TWIST2: variants seen among roughly 807,000 people sequenced by gnomAD.
TWIST2 encodes twist-related protein 2.
Under a neutral mutation model 11.6 loss-of-function variants are expected in TWIST2, and 1 was observed. The observed-to-expected ratio is 0.09, with a 90% CI of 0.03 to 0.41. TWIST2 has a LOEUF of 0.41. TWIST2 is among the 10% of genes least tolerant of loss of function. TWIST2 has a pLI of 0.98. For synonymous variants in TWIST2, 87 were observed against 96.6 expected, an observed-to-expected ratio of 0.90 and a Z score of 0.58; for missense variants, 168 against 226.4, an observed-to-expected ratio of 0.74 and a Z score of 1.66.
intron 1 of TWIST2, among the ~76,000 whole-genome samples, chr2:238,895,649 T>A (rs1314861859): frequency 1.3e-5 from 2 of 152,122 alleles, no homozygotes; most frequent in Non-Finnish European, 2.9e-5. Flanking sequence ...CCCAGGACAC[T>A]CATCGTGGGG....
Position 238,848,092 on chromosome 2 carries a change from C to A in TWIST2, c.-124C>A. ...CCCGGAGACCTCGGTTTTGCACAAG[C>A]CGGCCTTGAAATCAGAGCCTTTCCA... On this transcript the variant is annotated 5_prime_UTR_variant, in exon 1 of 2. Coordinates refer to ENST00000612363, the MANE Select transcript of TWIST2 (RefSeq NM_001271893.4). 1 of 800,382 alleles carries A rather than the reference C, an allele frequency of 1.2e-6. No homozygotes were observed. The allele number at this position is 800,382 out of a possible 1,614,324, so 49.6% of individuals were successfully genotyped here. A position where few individuals can be genotyped will look rare whatever the true frequency, so the allele number is the denominator to read the frequency against.
chr2:238,902,410 G>A (rs1164855015), intron 1 of TWIST2, among the ~76,000 whole-genome samples: 1 of 151,312 alleles, frequency 6.6e-6, no homozygotes, highest in Non-Finnish European at 1.5e-5. Flanking sequence ...GTTAATCAGG[G>A]TGTGTGTGTG....
At chr2:238,903,112 T>C (rs1693297880) in intron 1 of TWIST2, among the ~76,000 whole-genome samples, 1 of 143,922 alleles carries the variant, frequency 6.9e-6, no homozygotes. Flanking sequence ...GTGCGTGATG[T>C]GAGGTGTGTG....
intron 1 of TWIST2, among the ~76,000 whole-genome samples, chr2:238,886,503 G>A (rs537358352): frequency 6.6e-6 from 1 of 152,228 alleles, no homozygotes; most frequent in East Asian, 1.9e-4. Flanking sequence ...GAGCCCATGT[G>A]TACGTGGTAT....
intron 1 of TWIST2, among the ~76,000 whole-genome samples, chr2:238,868,572 C>G (rs771988276): frequency 6.6e-6 from 1 of 152,164 alleles, no homozygotes; most frequent in Non-Finnish European, 1.5e-5. Context: ...CCAAACTGGC[C>G]CTTCTTGAGA....
chr2:238,869,896 T>C (rs935072510), intron 1 of TWIST2, among the ~76,000 whole-genome samples: 1 of 151,964 alleles, frequency 6.6e-6, no homozygotes, highest in Non-Finnish European at 1.5e-5. Flanking sequence ...TACAGTGAGC[T>C]ATGCACACCA....
intron 1 of TWIST2, among the ~76,000 whole-genome samples, chr2:238,900,173 T>C (rs1693252045): frequency 6.6e-6 from 1 of 152,214 alleles, no homozygotes; most frequent in African/African-American, 2.4e-5. Flanking sequence ...ATCGATACAT[T>C]TGGGTTTCCT....
At chr2:238,849,592 C>G (rs1465248959) in intron 1 of TWIST2, among the ~76,000 whole-genome samples, 1 of 152,110 alleles carries the variant, frequency 6.6e-6, no homozygotes, top group African/African-American at 2.4e-5. Flanking sequence ...CAGGGATGGG[C>G]GAGGGGTCCA....
In TWIST2 at chr2:238,883,113, G is replaced by A. The variant is rs866941719; in HGVS notation, c.*36-26729G>A. ...CTAGAAACCCGAGCAGGGCCTTTGC[G>A]TTTCTGAACCTCCATTTTCTGCTTT... On this transcript the variant is annotated intron_variant, in intron 1 of 1. Transcript: ENST00000612363. Among the ~76,000 whole-genome samples the A allele has an allele frequency of 7.2e-5, 11 of 152,178 alleles. No homozygotes were observed. The South Asian group carries it at 1.0e-3, about 14-fold the overall frequency.
At chr2:238,908,746 T>G (rs886810461) in intron 1 of TWIST2, among the ~76,000 whole-genome samples, 44 of 150,810 alleles carry the variant, frequency 2.9e-4, no homozygotes, top group African/African-American at 1.1e-3. Flanking sequence ...GGGGATGTGG[T>G]GTGTTTGTGT....
rs540302617 is a variant in TWIST2 at position 238,877,435 on chromosome 2, AATC to A, written c.*35+28705_*35+28707del. On this transcript the variant is annotated intron_variant, in intron 1 of 1. Transcript: ENST00000612363. ...CTGTCTACCCCATATCAAAAAAAGAAATCATTTGAAAATCTTTAGAACAAATGA... is the reference window on the plus strand; with the variant it reads ...CTGTCTACCCCATATCAAAAAAAGAAATTTGAAAATCTTTAGAACAAATGA... Among the ~76,000 whole-genome samples, 495 of 152,322 alleles carry A rather than the reference AATC, an allele frequency of 3.2e-3. 6 individuals carry two copies. Among genetic ancestry groups the A allele is most frequent in the African/African-American group, 0.011 (470 of 41,572 alleles).
chr2:238,848,747 G>T lies in TWIST2; in HGVS notation c.*35+14G>T. 7 of 1,343,148 alleles carry T rather than the reference G, an allele frequency of 5.2e-6. No homozygotes were observed. Among genetic ancestry groups the T allele is most frequent in the Non-Finnish European group, 6.6e-6 (7 of 1,054,436 alleles). The allele number at this position is 1,343,148 out of a possible 1,614,324, so 83.2% of individuals were successfully genotyped here. A position where few individuals can be genotyped will look rare whatever the true frequency, so the allele number is the denominator to read the frequency against. Reference sequence around the variant, plus strand: ...CGGCGCGCCAGGGTAGGTGCTGCGCGCGCGACGGGCGCCCTCCGCTGCGGG... The same window carrying T: ...CGGCGCGCCAGGGTAGGTGCTGCGCTCGCGACGGGCGCCCTCCGCTGCGGG... On this transcript the variant is annotated intron_variant, in intron 1 of 1. Coordinates refer to ENST00000612363, the MANE Select transcript of TWIST2 (RefSeq NM_001271893.4).
At chr2:238,879,305 C>T (rs1387825384) in intron 1 of TWIST2, among the ~76,000 whole-genome samples, 1 of 152,158 alleles carries the variant, frequency 6.6e-6, no homozygotes, top group African/African-American at 2.4e-5. Context: ...AGTGGATGAC[C>T]TCTTGAAAAG....
rs574790236 is a variant in TWIST2, at chr2:238,866,817, C to T, written c.*35+18084C>T. On this transcript the variant is annotated intron_variant, in intron 1 of 1. Transcript: ENST00000612363. This position sits in a 1 kb window ranked among gnomAD's most constrained non-coding sequence, Gnocchi z 4.9. ...GCATTTGTGGTGACTCCTGAGGCCT[C>T]GTATATCCCCTAGCGGCCTGGCAGC... Among the ~76,000 whole-genome samples the T allele has an allele frequency of 2.6e-5, 4 of 152,208 alleles. No individual in the cohort carries two copies. Among genetic ancestry groups the T allele is most frequent in the East Asian group, 1.9e-4 (1 of 5,162 alleles).
intron 1 of TWIST2, among the ~76,000 whole-genome samples, chr2:238,859,379 C>T (rs1395129129): frequency 6.6e-6 from 1 of 151,770 alleles, no homozygotes; most frequent in Non-Finnish European, 1.5e-5. Context: ...AGACTGGAGG[C>T]TTCTCGGGCT....
chr2:238,886,399 T>C (rs536231566), intron 1 of TWIST2, among the ~76,000 whole-genome samples: 3,384 of 152,160 alleles, frequency 0.022, 60 homozygotes, highest in Non-Finnish European at 0.033. Context: ...AAAGTTTCAT[T>C]TATGAAACTT....
At chr2:238,885,224 T>C (rs187378853) in intron 1 of TWIST2, among the ~76,000 whole-genome samples, 1 of 151,908 alleles carries the variant, frequency 6.6e-6, no homozygotes, top group Non-Finnish European at 1.5e-5. Flanking sequence ...CCTGCCTCGT[T>C]TGCAGGCTGG....
intron 1 of TWIST2, among the ~76,000 whole-genome samples, chr2:238,907,200 G>A (rs1693367972): frequency 6.6e-6 from 1 of 152,214 alleles, no homozygotes; most frequent in East Asian, 1.9e-4. Flanking sequence ...TCCCGACCAG[G>A]TGCTGATGCC....
rs1190436223 is a variant in TWIST2, at chr2:238,909,906, C to G, written c.*100C>G. 6.6e-6 allele frequency: 1 copy of G among 152,232 alleles called. No homozygotes were observed. Among genetic ancestry groups the G allele is most frequent in the African/African-American group, 2.4e-5 (1 of 41,434 alleles). 9.4% of individuals were successfully genotyped at this position (152,232 alleles called of 1,614,324 possible). A position where few individuals can be genotyped will look rare whatever the true frequency, so the allele number is the denominator to read the frequency against. The stretch of plus-strand genomic sequence containing the variant: ...CATTCGAGTCTGTAACTTCTGAAAC[C>G]TGAACAACCTCAGGAGGCCCCCACC... On this transcript the variant is annotated 3_prime_UTR_variant, in exon 2 of 2. Coordinates refer to ENST00000612363, the MANE Select transcript of TWIST2 (RefSeq NM_001271893.4).
Sources: gnomAD v4.1 joint callset for allele counts (sites outside exome capture counted in the v4.1 genomes callset) on GRCh38, gnomAD v4.1.1 for gene constraint, Gnocchi (gnomAD v3.1) non-coding constraint, MANE v1.5 for transcripts, NCBI Gene and HGNC (gene_info 2026-07-23, HGNC 2026-07-21) for gene names.